Variants in PTPRK observed in about 807,000 individuals in gnomAD.
PTPRK encodes receptor-type tyrosine-protein phosphatase kappa.
A neutral mutation model predicts 178.0 loss-of-function variants in PTPRK; 75 were observed. That is an observed-to-expected ratio of 0.42 (90% confidence interval 0.35 to 0.51). The LOEUF is 0.51. Ranked by LOEUF, PTPRK falls within the 20% of genes least tolerant of loss-of-function variation. PTPRK has a pLI of 0.02. For missense variants in PTPRK, 1,441 were observed against 1,797.8 expected (o/e 0.80, Z 3.59); for synonymous variants, 637 against 620.6 (o/e 1.03, Z -0.39).
At chr6:128,214,195 G>C (rs1808788450) in intron 6 of PTPRK, among the ~76,000 whole-genome samples, 1 of 152,092 alleles carries the variant, frequency 6.6e-6, no homozygotes, top group African/African-American at 2.4e-5. Context: ...GTTCTAATAG[G>C]TTTTGAATGC....
At chr6:128,420,345 T>G (rs954334791) in intron 1 of PTPRK, among the ~76,000 whole-genome samples, 2 of 152,234 alleles carry the variant, frequency 1.3e-5, no homozygotes, top group African/African-American at 2.4e-5. Context: ...AACTGAATTA[T>G]TTGCACAATT....
chr6:128,168,644 G>A (rs1799762901), intron 7 of PTPRK, among the ~76,000 whole-genome samples: 1 of 152,030 alleles, frequency 6.6e-6, no homozygotes, highest in Non-Finnish European at 1.5e-5. Context: ...TTTTAAATAG[G>A]TTGTGTGCTC....
rs1057150825 is a variant in PTPRK, at chr6:128,162,547, T to C, written c.1162+21885A>G. Among the ~76,000 whole-genome samples, 6 of 151,796 alleles carry C rather than the reference T, an allele frequency of 4.0e-5. 1 individual carries two copies. In the East Asian group the frequency reaches 5.8e-4, roughly 15 times the overall value. Reference sequence around the variant, plus strand: ...TAAATCCAAATATATTTAGAAATAATTGATTGAATTGATTGTCAAATCCTT... The same window carrying C: ...TAAATCCAAATATATTTAGAAATAACTGATTGAATTGATTGTCAAATCCTT... On this transcript the variant is annotated intron_variant, in intron 7 of 29. Coordinates refer to ENST00000368226, the MANE Select transcript of PTPRK (RefSeq NM_002844.4).
intron 3 of PTPRK, among the ~76,000 whole-genome samples, chr6:128,245,873 A>C (rs1473066490): frequency 6.6e-6 from 1 of 152,338 alleles, no homozygotes; most frequent in Middle Eastern, 3.4e-3. Context: ...GGTGAAAAAA[A>C]CCCTGTATTA....
chr6:128,228,841 A>C (rs960710950), intron 5 of PTPRK, among the ~76,000 whole-genome samples: 2 of 152,174 alleles, frequency 1.3e-5, no homozygotes, highest in South Asian at 4.1e-4. Context: ...ATCTAGAAAA[A>C]ATAGGTACAG....
At chr6:127,972,980 A>T in intron 29 of PTPRK, 42 bp downstream of exon 29, 1 of 1,591,546 alleles carries the variant, frequency 6.3e-7, no homozygotes, top group Non-Finnish European at 8.6e-7. Flanking sequence ...ATGACTAACT[A>T]ATCTCTAAGA....
In PTPRK at chr6:128,292,922, C is replaced by T. The variant is rs532345023; in HGVS notation, c.495+29117G>A. 1.4e-4 allele frequency among the ~76,000 whole-genome samples: 22 copies of T among 151,734 alleles called. 1 individual carries two copies. In the South Asian group the frequency reaches 4.2e-3, roughly 29 times the overall value. The stretch of plus-strand genomic sequence containing the variant: ...TATCTTGCAAACAGACCATCAATAA[C>T]CTTTGTTAAAGAAAGAAAAGTGTCT... On this transcript the variant is annotated intron_variant, in intron 3 of 29. Transcript: ENST00000368226.
At chr6:127,983,025 C>T (rs763481213) in intron 23 of PTPRK, 45 bp from the exon 24 acceptor site, 1 of 1,545,362 alleles carries the variant, frequency 6.5e-7, no homozygotes, top group South Asian at 1.2e-5. Context: ...GTTTTAGTAT[C>T]ACTTTTCTGT....
At chr6:128,093,623 A>C (rs1259292314) in intron 7 of PTPRK, among the ~76,000 whole-genome samples, 2 of 128,092 alleles carry the variant, frequency 1.6e-5, no homozygotes, top group African/African-American at 5.9e-5. Flanking sequence ...AAAAAAAAAA[A>C]CGAAAAAACA....
chr6:128,030,311 A>G (rs1283680908), intron 13 of PTPRK, among the ~76,000 whole-genome samples: 1 of 152,190 alleles, frequency 6.6e-6, no homozygotes, highest in African/African-American at 2.4e-5. Flanking sequence ...AAGTCACAGG[A>G]AAGCAGCACA....
rs184401586 is a variant in PTPRK, at chr6:128,291,013, T to C, written c.495+31026A>G. 3.8e-3 allele frequency among the ~76,000 whole-genome samples: 575 copies of C among 152,142 alleles called. 2 individuals carry two copies. Among genetic ancestry groups the C allele is most frequent in the African/African-American group, 0.013 (535 of 41,510 alleles). On this transcript the variant is annotated intron_variant, in intron 3 of 29. Transcript: ENST00000368226. ...TGGCTTCTTGAAAAATGCCTACATA[T>C]GAATCTCCAGAATGTGGGAATGCTG...
chr6:128,161,876 C>A (rs1298408881), intron 7 of PTPRK, among the ~76,000 whole-genome samples: 2 of 151,548 alleles, frequency 1.3e-5, no homozygotes, highest in Non-Finnish European at 3.0e-5. Context: ...CTATGGACAG[C>A]ATCAGCAGAA....
chr6:128,221,246 C>G (rs1284967196), intron 5 of PTPRK, among the ~76,000 whole-genome samples: 1 of 151,940 alleles, frequency 6.6e-6, no homozygotes, highest in African/African-American at 2.4e-5. Context: ...AAATCCTGGC[C>G]AGGCGCGGTG....
At chr6:128,105,258 G>A (rs11966242) in intron 7 of PTPRK, among the ~76,000 whole-genome samples, 2 of 151,510 alleles carry the variant, frequency 1.3e-5, no homozygotes, top group Admixed American at 6.6e-5. Context: ...CTCAGCCTCC[G>A]GAGTAGCTGG....
chr6:127,985,680 G>C, intron 22 of PTPRK, 41 bp downstream of exon 22: 5 of 1,530,326 alleles, frequency 3.3e-6, no homozygotes, highest in Non-Finnish European at 4.5e-6. Flanking sequence ...TCTAAAAAAA[G>C]CTGATTGCAT....
At chr6:128,192,176 A>G (rs1211421150) in intron 6 of PTPRK, among the ~76,000 whole-genome samples, 2 of 152,212 alleles carry the variant, frequency 1.3e-5, no homozygotes, top group Admixed American at 1.3e-4. Context: ...AATGGGAGGT[A>G]AATCATGGTG....
intron 6 of PTPRK, among the ~76,000 whole-genome samples, chr6:128,194,429 G>A (rs1365548960): frequency 6.6e-6 from 1 of 152,060 alleles, no homozygotes; most frequent in Non-Finnish European, 1.5e-5. Context: ...GCCTCTCTCA[G>A]TACTACAGTC....
intron 2 of PTPRK, among the ~76,000 whole-genome samples, chr6:128,325,826 T>A (rs1829475932): frequency 6.6e-6 from 1 of 152,042 alleles, no homozygotes; most frequent in Non-Finnish European, 1.5e-5. Flanking sequence ...TATGTATATA[T>A]CCAAAGGATT....
At chr6:128,430,948 T>C (rs949229691) in intron 1 of PTPRK, among the ~76,000 whole-genome samples, 1 of 150,844 alleles carries the variant, frequency 6.6e-6, no homozygotes, top group Non-Finnish European at 1.5e-5. Flanking sequence ...TTCTTTTTTT[T>C]TTTTTTTTGA....
Sources: gnomAD v4.1 joint callset for allele counts (sites outside exome capture counted in the v4.1 genomes callset) on GRCh38, gnomAD v4.1.1 for gene constraint, MANE v1.5 for transcripts, NCBI Gene and HGNC (gene_info 2026-07-23, HGNC 2026-07-21) for gene names.